Variants in NAV3 observed in about 807,000 individuals in gnomAD.
NAV3 encodes neuron navigator 3.
A neutral mutation model predicts 244.7 loss-of-function variants in NAV3; 87 were observed. The ratio of observed to expected loss-of-function variants is 0.36; its 90% CI spans 0.30 to 0.42. The LOEUF is 0.42. NAV3 is among the 20% of genes least tolerant of loss of function. The pLI is 1.00. For missense variants in NAV3, 2,663 were observed against 2,893.3 expected (o/e 0.92, Z 1.83); for synonymous variants, 1,126 against 1,042.2 (o/e 1.08, Z -1.55).
chr12:77,928,222 C>CAAA lies in NAV3; in HGVS notation c.244-12078_244-12076dup, dbSNP rs759919821. 2.5e-3 allele frequency among the ~76,000 whole-genome samples: 199 copies of CAAA among 80,194 alleles called. 7 individuals are homozygous for CAAA. Among genetic ancestry groups the CAAA allele is most frequent in the Admixed American group, 4.8e-3 (31 of 6,520 alleles). The allele number at this position is 80,194 out of a possible 152,430, so 52.6% of individuals were successfully genotyped here. A position where few individuals can be genotyped will look rare whatever the true frequency, so the allele number is the denominator to read the frequency against. On this transcript the variant is annotated intron_variant, in intron 1 of 39. Coordinates refer to ENST00000397909, the MANE Select transcript of NAV3 (RefSeq NM_001024383.2). ...TGGGTGACAGGGCTAGGCTCCGCCT[C>CAAA]AAAAAAAAAAAAAAAAAAAAAGAGA...
At chr12:77,853,624 C>T (rs995794327) in intron 1 of NAV3, among the ~76,000 whole-genome samples, 6 of 151,978 alleles carry the variant, frequency 3.9e-5, no homozygotes, top group African/African-American at 1.5e-4. Context: ...TCAACATACA[C>T]AATAAAACAG....
intron 24 of NAV3, among the ~76,000 whole-genome samples, chr12:78,171,283 G>T (rs147917676): frequency 6.6e-6 from 1 of 151,570 alleles, no homozygotes; most frequent in Non-Finnish European, 1.5e-5. Context: ...TCTTCATGTC[G>T]TAAATAGGTC....
chr12:77,921,764 C>T (rs1887730052), intron 1 of NAV3, among the ~76,000 whole-genome samples: 1 of 151,890 alleles, frequency 6.6e-6, no homozygotes, highest in Admixed American at 6.6e-5. Flanking sequence ...ATTTTTTATA[C>T]CAACAAAGAA....
chr12:77,749,808 G>A (rs555815889), intron 2 of NAV3, among the ~76,000 whole-genome samples: 3 of 152,250 alleles, frequency 2.0e-5, no homozygotes, highest in South Asian at 2.1e-4. Flanking sequence ...GAGAGTGCTC[G>A]CTGTATATAT....
At chr12:77,789,793 A>C (rs1202920496) in intron 2 of NAV3, among the ~76,000 whole-genome samples, 11 of 150,540 alleles carry the variant, frequency 7.3e-5, no homozygotes. Flanking sequence ...CTGGGCAACA[A>C]GAGCAAAACT....
At chr12:77,947,570 A>T in intron 3 of NAV3, 1 of 152,042 alleles carries the variant, frequency 6.6e-6, no homozygotes. Context: ...TTGCTAAGTT[A>T]GTCCAGTCAC....
At chr12:77,994,752 C>G in intron 5 of NAV3, 51 bp from the exon 6 acceptor site, 2 of 1,437,242 alleles carry the variant, frequency 1.4e-6, no homozygotes, top group Non-Finnish European at 9.7e-7. Flanking sequence ...TGCTTTCCTT[C>G]CATGTTCAAA....
chr12:78,167,456 T>A (rs1365471461), intron 23 of NAV3, among the ~76,000 whole-genome samples: 1 of 151,532 alleles, frequency 6.6e-6, no homozygotes, highest in Admixed American at 6.6e-5. Flanking sequence ...CCGATGAAAA[T>A]AGATATATGA....
At chr12:78,058,919 A>G in intron 11 of NAV3, 77 bp from the exon 12 acceptor site, 1 of 1,288,736 alleles carries the variant, frequency 7.8e-7, no homozygotes, top group Non-Finnish European at 1.0e-6. Context: ...AATTGTGGAC[A>G]CCGTTTGTTT....
intron 1 of NAV3, among the ~76,000 whole-genome samples, chr12:77,905,341 T>A (rs946781983): frequency 1.1e-4 from 17 of 152,128 alleles, no homozygotes; most frequent in Non-Finnish European, 2.1e-4. Flanking sequence ...ATTCATTTTG[T>A]TTGAAAGGAA....
chr12:78,034,621 A>AT lies in NAV3; in HGVS notation c.2023+12765dup, dbSNP rs766151020. On this transcript the variant is annotated intron_variant, in intron 9 of 39. Coordinates refer to ENST00000397909, the MANE Select transcript of NAV3 (RefSeq NM_001024383.2). Reference sequence around the variant, plus strand: ...TTGATATATAAAGCATTAGAATTGCATTTTTTGTGAATCTGTAAGGCTTTA... The same window carrying AT: ...TTGATATATAAAGCATTAGAATTGCATTTTTTTGTGAATCTGTAAGGCTTTA... Among the ~76,000 whole-genome samples the AT allele has an allele frequency of 1.6e-4, 25 of 152,194 alleles. No individual in the cohort carries two copies. In the South Asian group the frequency reaches 2.9e-3, roughly 18 times the overall value.
At chr12:77,715,154 T>A (rs1876302209) in intron 2 of NAV3, among the ~76,000 whole-genome samples, 1 of 151,988 alleles carries the variant, frequency 6.6e-6, no homozygotes, top group South Asian at 2.1e-4. Context: ...AACTGTGATA[T>A]TAAATCCATA....
intron 2 of NAV3, among the ~76,000 whole-genome samples, chr12:77,594,610 G>A (rs1870084066): frequency 6.6e-6 from 1 of 152,162 alleles, no homozygotes; most frequent in African/African-American, 2.4e-5. Context: ...GATGACAACA[G>A]GCGAGTGAGT....
Position 77,831,358 on chromosome 12 carries a change from A to G in NAV3, c.-104A>G, listed in dbSNP as rs1873662330. On this transcript the variant is annotated 5_prime_UTR_variant, in exon 1 of 40. Coordinates refer to ENST00000397909, the MANE Select transcript of NAV3 (RefSeq NM_001024383.2). The stretch of plus-strand genomic sequence containing the variant: ...CTTTTTAAAAATCAGGATGACTGCT[A>G]GTTTTGTTTAAAGTATTTGTTCTGG... The G allele has an allele frequency of 1.7e-6, 2 of 1,185,716 alleles. 1 individual carries two copies. 73.4% of individuals were successfully genotyped at this position (1,185,716 alleles called of 1,614,324 possible). A position where few individuals can be genotyped will look rare whatever the true frequency, so the allele number is the denominator to read the frequency against.
chr12:77,831,169 C>CAGAGAGAGAGAGAGAGAGAGAGAG lies in NAV3; in HGVS notation c.-291_-268dup, dbSNP rs71088341. On this transcript the variant is annotated 5_prime_UTR_variant, in exon 1 of 40. Transcript: ENST00000397909. ...CACTGAACAGAGAGAGAGAGAGAGA[C>CAGAGAGAGAGAGAGAGAGAGAGAG]AGAGAGAGAGAGAGAGAGAGAGAGA... 6 of 141,146 alleles carry CAGAGAGAGAGAGAGAGAGAGAGAG rather than the reference C, an allele frequency of 4.3e-5. No individual in the cohort carries two copies. The highest frequency in any genetic ancestry group is 2.2e-4 in the African/African-American group (5 of 22,662). 8.7% of individuals were successfully genotyped at this position (141,146 alleles called of 1,614,324 possible). A position where few individuals can be genotyped will look rare whatever the true frequency, so the allele number is the denominator to read the frequency against.
At chr12:77,623,317 G>A (rs548321242) in intron 2 of NAV3, among the ~76,000 whole-genome samples, 3 of 152,168 alleles carry the variant, frequency 2.0e-5, no homozygotes, top group Non-Finnish European at 2.9e-5. Context: ...GCACCAGAGA[G>A]CCATGGGAGC....
At chr12:77,972,985 A>G (rs905593471) in intron 5 of NAV3, among the ~76,000 whole-genome samples, 2 of 152,124 alleles carry the variant, frequency 1.3e-5, no homozygotes, top group East Asian at 3.9e-4. Flanking sequence ...GAAAAACATT[A>G]CAGTAAAAAA....
At chr12:78,206,854 C>CT (rs10594185) in intron 39 of NAV3, among the ~76,000 whole-genome samples, 1,350 of 114,744 alleles carry the variant, frequency 0.012, 38 homozygotes, top group African/African-American at 0.03. Context: ...TTCTTTCTTA[C>CT]TTTTTTTTTT....
At chr12:78,046,700 A>G (rs1189998996) in intron 9 of NAV3, among the ~76,000 whole-genome samples, 1 of 152,154 alleles carries the variant, frequency 6.6e-6, no homozygotes, top group Non-Finnish European at 1.5e-5. Flanking sequence ...AGAAGAATGT[A>G]TATTCTGTTT....
Sources: allele counts gnomAD v4.1 joint callset (sites outside exome capture counted in the v4.1 genomes callset), GRCh38; gene constraint gnomAD v4.1.1; transcripts MANE v1.5; gene names NCBI Gene and HGNC (gene_info 2026-07-23, HGNC 2026-07-21).